EHBP1: variants seen among roughly 807,000 people sequenced by gnomAD.
EHBP1 encodes EH domain binding protein 1.
In EHBP1, 55 loss-of-function variants were observed where a neutral mutation model predicts 144.0. That is an observed-to-expected ratio of 0.38 (90% confidence interval 0.31 to 0.48). The LOEUF (loss-of-function observed/expected upper bound fraction) is 0.48, where lower values mean the gene tolerates loss of function less well. Ranked by LOEUF, EHBP1 falls within the 20% of genes least tolerant of loss-of-function variation. The pLI is 0.98. For missense variants in EHBP1, 1,200 were observed against 1,364.2 expected (o/e 0.88, Z 1.90); for synonymous variants, 469 against 472.7 (o/e 0.99, Z 0.10).
At chr2:62,707,633 A>G (rs574522931) in intron 2 of EHBP1, among the ~76,000 whole-genome samples, 40 of 152,364 alleles carry the variant, frequency 2.6e-4, no homozygotes, top group African/African-American at 9.4e-4. Flanking sequence ...CTACTGAAAT[A>G]TTGTGAGCAT....
chr2:62,691,448 A>G (rs887787039), intron 1 of EHBP1, among the ~76,000 whole-genome samples: 2 of 152,232 alleles, frequency 1.3e-5, no homozygotes, highest in Non-Finnish European at 1.5e-5. Context: ...AGACTTAGCC[A>G]AACTTAGGCA....
intron 7 of EHBP1, among the ~76,000 whole-genome samples, chr2:62,845,093 T>C (rs1442124979): frequency 6.6e-6 from 1 of 151,818 alleles, no homozygotes; most frequent in African/African-American, 2.4e-5. Flanking sequence ...AGATTATCTT[T>C]TTTTTTTTTT....
intron 15 of EHBP1, among the ~76,000 whole-genome samples, chr2:62,989,373 C>T (rs1208842478): frequency 6.6e-6 from 1 of 151,928 alleles, no homozygotes; most frequent in African/African-American, 2.4e-5. Context: ...AAATCAGTAA[C>T]AATATGTGAT....
Position 62,732,592 on chromosome 2 carries a change from C to T in EHBP1, c.105-14803C>T, listed in dbSNP as rs537726902. Among the ~76,000 whole-genome samples the T allele has an allele frequency of 3.9e-5, 6 of 152,294 alleles. No individual in the cohort carries two copies. In the South Asian group the frequency reaches 1.2e-3, roughly 32 times the overall value. On this transcript the variant is annotated intron_variant, in intron 2 of 22. Transcript: ENST00000431489. ...CCTTCCCTTGCTCTCTCTTCCTTCT[C>T]CTCTGGCCATGTAAAACGTGCCAGC...
At chr2:62,982,149 A>G (rs781405942) in intron 15 of EHBP1, among the ~76,000 whole-genome samples, 34 of 152,178 alleles carry the variant, frequency 2.2e-4, no homozygotes, top group African/African-American at 5.8e-4. Context: ...AGGACAAGGA[A>G]GAAGGTAAAA....
intron 7 of EHBP1, among the ~76,000 whole-genome samples, chr2:62,845,901 G>A (rs1368518347): frequency 6.6e-6 from 1 of 152,114 alleles, no homozygotes; most frequent in Non-Finnish European, 1.5e-5. Context: ...CTAAGGTTGG[G>A]AATAGGAGGA....
At chr2:62,944,017 C>T (rs926621622) in intron 12 of EHBP1, among the ~76,000 whole-genome samples, 167 bp downstream of exon 12, 1 of 152,198 alleles carries the variant, frequency 6.6e-6, no homozygotes, top group East Asian at 1.9e-4. Context: ...TCTGGTTTAT[C>T]ATGGACTTTT....
At position 62,720,197 on chromosome 2, in the gene EHBP1, G is replaced by A. The variant is rs186860019; in HGVS notation, c.104+12902G>A. Among the ~76,000 whole-genome samples, 297 of 152,218 alleles carry A rather than the reference G, an allele frequency of 2.0e-3. 1 individual carries two copies. The highest frequency in any genetic ancestry group is 6.8e-3 in the African/African-American group (282 of 41,542). On this transcript the variant is annotated intron_variant, in intron 2 of 22. Coordinates refer to ENST00000431489, the MANE Select transcript of EHBP1 (RefSeq NM_001142616.3). Reference sequence around the variant, plus strand: ...TGGTTAGGTATTTCTTTTGGCTTGGGGGTGAGGGAGTCTGAAAAAAATTAC... The same window carrying A: ...TGGTTAGGTATTTCTTTTGGCTTGGAGGTGAGGGAGTCTGAAAAAAATTAC...
intron 5 of EHBP1, among the ~76,000 whole-genome samples, chr2:62,787,406 C>CCG (rs1573350790): frequency 8.2e-6 from 1 of 122,058 alleles, no homozygotes; most frequent in East Asian, 2.9e-4. Flanking sequence ...CCCCCCCCCC[C>CCG]ACCCCCTTGC....
At chr2:62,890,579 C>T (rs2052373656) in intron 10 of EHBP1, among the ~76,000 whole-genome samples, 1 of 152,130 alleles carries the variant, frequency 6.6e-6, no homozygotes, top group Admixed American at 6.5e-5. Context: ...GATTTTTGCA[C>T]ATTGATTTTG....
chr2:62,997,916 G>C (rs903787173), intron 19 of EHBP1, among the ~76,000 whole-genome samples: 1 of 152,004 alleles, frequency 6.6e-6, no homozygotes, highest in Non-Finnish European at 1.5e-5. Context: ...AAGTAGACAG[G>C]CATCTGGATT....
intron 7 of EHBP1, among the ~76,000 whole-genome samples, chr2:62,845,730 G>A (rs1265374269): frequency 2.0e-5 from 3 of 151,804 alleles, no homozygotes; most frequent in Non-Finnish European, 2.9e-5. Flanking sequence ...CAGGCTTGGT[G>A]GCATGCGCCT....
chr2:63,030,498 T>C (rs546897822), intron 19 of EHBP1, among the ~76,000 whole-genome samples: 1 of 152,152 alleles, frequency 6.6e-6, no homozygotes, highest in African/African-American at 2.4e-5. Flanking sequence ...TTTTTTTTCT[T>C]TTTTTTTGAG....
At chr2:62,864,343 A>G (rs1243240728) in intron 8 of EHBP1, among the ~76,000 whole-genome samples, 1 of 152,156 alleles carries the variant, frequency 6.6e-6, no homozygotes, top group African/African-American at 2.4e-5. Context: ...GAAATTTATT[A>G]TGTATCGGTT....
Position 62,685,528 on chromosome 2 carries a change from G to A in EHBP1, c.-296+11445G>A, listed in dbSNP as rs192504175. 3.0e-3 allele frequency among the ~76,000 whole-genome samples: 459 copies of A among 152,162 alleles called. 3 individuals are homozygous for A. The highest frequency in any genetic ancestry group is 0.01 in the African/African-American group (433 of 41,508). On this transcript the variant is annotated intron_variant, in intron 1 of 22. Coordinates refer to the EHBP1 transcript ENST00000405015. ...CCCAGTGTCCCCTTTTGATAAGGAC[G>A]TCAGTCATATTGGACTAGGGTCCAC...
chr2:62,906,649 T>C (rs1029167336), intron 10 of EHBP1, among the ~76,000 whole-genome samples: 1 of 152,218 alleles, frequency 6.6e-6, no homozygotes, highest in Admixed American at 6.5e-5. Flanking sequence ...ATGTGTACTT[T>C]ATCCAGTTTT....
intron 1 of EHBP1, among the ~76,000 whole-genome samples, chr2:62,700,181 G>T (rs2034236057): frequency 6.6e-6 from 1 of 151,936 alleles, no homozygotes; most frequent in Non-Finnish European, 1.5e-5. Flanking sequence ...AAAAAAAAAG[G>T]CCACCTTTTA....
intron 5 of EHBP1, among the ~76,000 whole-genome samples, chr2:62,804,761 G>T (rs186363713): frequency 3.2e-4 from 48 of 152,322 alleles, no homozygotes; most frequent in African/African-American, 1.1e-3. Context: ...ACAGCAGGAG[G>T]TGAGTGGTGG....
intron 14 of EHBP1, among the ~76,000 whole-genome samples, chr2:62,974,985 A>G (rs766495553): frequency 1.3e-5 from 2 of 152,182 alleles, no homozygotes; most frequent in Non-Finnish European, 2.9e-5. Context: ...CAGACAGGGC[A>G]CAGTGGGCAT....
Sources: allele counts gnomAD v4.1 joint callset (sites outside exome capture counted in the v4.1 genomes callset), GRCh38; gene constraint gnomAD v4.1.1; transcripts MANE v1.5; gene names NCBI Gene and HGNC (gene_info 2026-07-23, HGNC 2026-07-21).